LRFN2: variants seen among roughly 807,000 people sequenced by gnomAD.
LRFN2 encodes leucine rich repeat and fibronectin type III domain containing 2.
A neutral mutation model predicts 37.3 loss-of-function variants in LRFN2; 18 were observed. That is an observed-to-expected ratio of 0.48 (90% confidence interval 0.33 to 0.72). The LOEUF is 0.72. Among genes scored for constraint, LRFN2 ranks in the 30% least tolerant of loss-of-function variants. LRFN2 has a pLI of 0.02. For synonymous variants in LRFN2, 556 were observed against 466.6 expected (o/e 1.19, Z -2.47); for missense variants, 1,006 against 1,060.7 (o/e 0.95, Z 0.72).
intron 1 of LRFN2, among the ~76,000 whole-genome samples, chr6:40,513,235 T>A (rs569538200): frequency 2.6e-5 from 3 of 115,616 alleles, no homozygotes; most frequent in South Asian, 4.8e-4. Context: ...CATTTAACAA[T>A]TTTTTTTTTT....
intron 1 of LRFN2, among the ~76,000 whole-genome samples, chr6:40,437,263 G>C (rs1397246586): frequency 1.3e-5 from 2 of 152,114 alleles, no homozygotes; most frequent in Admixed American, 1.3e-4. Flanking sequence ...TGCATTCTGG[G>C]AGGCTGATCC....
At chr6:40,433,364 A>G (rs1370439065) in intron 1 of LRFN2, among the ~76,000 whole-genome samples, 1 of 152,180 alleles carries the variant, frequency 6.6e-6, no homozygotes, top group Non-Finnish European at 1.5e-5. Context: ...TATGATGTTT[A>G]TTTATTGTTT....
chr6:40,581,813 C>T (rs1347087837), intron 1 of LRFN2, among the ~76,000 whole-genome samples: 1 of 152,144 alleles, frequency 6.6e-6, no homozygotes, highest in African/African-American at 2.4e-5. Flanking sequence ...TTCTCCAAGT[C>T]CTGCAGGCTG....
chr6:40,464,797 C>T lies in LRFN2; in HGVS notation c.-18-31666G>A, dbSNP rs983252628. Reference sequence around the variant, plus strand: ...TTCAACCCCTACTCCAAACCAATCTCGGATGGGAGCTGGTGAATAAGTACC... The same window carrying T: ...TTCAACCCCTACTCCAAACCAATCTTGGATGGGAGCTGGTGAATAAGTACC... On this transcript the variant is annotated intron_variant, in intron 1 of 2. Transcript: ENST00000338305. Among the ~76,000 whole-genome samples the T allele has an allele frequency of 3.9e-5, 6 of 152,074 alleles. No homozygotes were observed. The East Asian group carries it at 5.8e-4, about 15-fold the overall frequency.
rs1767520624 is a variant in LRFN2 at position 40,587,252 on chromosome 6, T to C, written c.-330A>G. The stretch of plus-strand genomic sequence containing the variant: ...CCTCCCTAGGAGGATGCCGGTAGGA[T>C]TTTCCGGATCGAAGAACCCCAGGCA... On this transcript the variant is annotated 5_prime_UTR_variant, in exon 1 of 3. Coordinates refer to ENST00000338305, the MANE Select transcript of LRFN2 (RefSeq NM_020737.3). This position sits in a 1 kb window ranked among gnomAD's most constrained non-coding sequence, Gnocchi z 4.2. 6.6e-6 allele frequency: 1 copy of C among 152,136 alleles called. No homozygotes were observed. Among genetic ancestry groups the C allele is most frequent in the South Asian group, 2.1e-4 (1 of 4,822 alleles). The allele number at this position is 152,136 out of a possible 1,614,324, so 9.4% of individuals were successfully genotyped here. A position where few individuals can be genotyped will look rare whatever the true frequency, so the allele number is the denominator to read the frequency against.
chr6:40,507,386 C>G (rs909926166), intron 1 of LRFN2, among the ~76,000 whole-genome samples: 5 of 152,180 alleles, frequency 3.3e-5, no homozygotes, highest in African/African-American at 9.7e-5. Context: ...TCAGACATGA[C>G]ACTAAACCCT....
At chr6:40,560,584 C>T (rs779814665) in intron 1 of LRFN2, among the ~76,000 whole-genome samples, 7 of 152,194 alleles carry the variant, frequency 4.6e-5, no homozygotes, top group Non-Finnish European at 1.0e-4. Flanking sequence ...TACTAACTCA[C>T]ATCAAATCAG....
chr6:40,404,148 A>G (rs1762797814), intron 2 of LRFN2, among the ~76,000 whole-genome samples: 2 of 151,622 alleles, frequency 1.3e-5, no homozygotes, highest in Non-Finnish European at 2.9e-5. Context: ...TTGTTACTCC[A>G]CTCCATTTTT....
intron 1 of LRFN2, among the ~76,000 whole-genome samples, chr6:40,444,760 G>A (rs968934411): frequency 2.0e-5 from 3 of 152,134 alleles, no homozygotes; most frequent in African/African-American, 7.2e-5. Context: ...TGGGCAAGGA[G>A]CAGTGAAGAC....
intron 1 of LRFN2, among the ~76,000 whole-genome samples, chr6:40,477,155 C>T (rs2113860969): frequency 6.6e-6 from 1 of 152,284 alleles, no homozygotes; most frequent in Non-Finnish European, 1.5e-5. Flanking sequence ...GAATGGGACC[C>T]AGAGTATTTT....
At chr6:40,440,983 A>C (rs1245815898) in intron 1 of LRFN2, among the ~76,000 whole-genome samples, 1 of 152,210 alleles carries the variant, frequency 6.6e-6, no homozygotes, top group African/African-American at 2.4e-5. Flanking sequence ...TCATTATATA[A>C]GGGACCAACT....
At chr6:40,399,426 C>CTTTTTTTTTTTCTTTTT (rs1301914597) in intron 2 of LRFN2, among the ~76,000 whole-genome samples, 1 of 134,370 alleles carries the variant, frequency 7.4e-6, no homozygotes, top group Non-Finnish European at 1.6e-5. Context: ...TTTTTCTTTT[C>CTTTTTTTTTTTCTTTTT]TTTTTTTTTT....
chr6:40,404,454 A>T (rs1230095472), intron 2 of LRFN2, among the ~76,000 whole-genome samples: 1 of 152,240 alleles, frequency 6.6e-6, no homozygotes, highest in Non-Finnish European at 1.5e-5. Flanking sequence ...TGGTCATTCA[A>T]ATTTAACTTC....
In LRFN2 at chr6:40,551,396, G is replaced by C. The variant is rs148482152; in HGVS notation, c.-19+35545C>G. Among the ~76,000 whole-genome samples, 723 of 152,298 alleles carry C rather than the reference G, an allele frequency of 4.7e-3. 2 individuals carry two copies. The highest frequency in any genetic ancestry group is 0.016 in the African/African-American group (647 of 41,568). On this transcript the variant is annotated intron_variant, in intron 1 of 2. Coordinates refer to ENST00000338305, the MANE Select transcript of LRFN2 (RefSeq NM_020737.3). ...GCCAGTACACAGAAGACAGAATATA[G>C]AGCCAATGAGAAATGGAGCCCAAGG...
chr6:40,411,907 G>C (rs566122197), intron 2 of LRFN2, among the ~76,000 whole-genome samples: 245 of 152,184 alleles, frequency 1.6e-3, no homozygotes, highest in Non-Finnish European at 2.4e-3. Context: ...ATAAGGACCA[G>C]GATTGCCAGC....
intron 1 of LRFN2, among the ~76,000 whole-genome samples, chr6:40,565,396 T>C (rs1379556498): frequency 6.6e-6 from 1 of 152,138 alleles, no homozygotes; most frequent in Non-Finnish European, 1.5e-5. Context: ...TTAAAGTTCA[T>C]ATGGAACCAA....
chr6:40,487,405 C>T (rs1254217348), intron 1 of LRFN2, among the ~76,000 whole-genome samples: 1 of 152,182 alleles, frequency 6.6e-6, no homozygotes, highest in Non-Finnish European at 1.5e-5. Context: ...CACAGGTGCT[C>T]CAGATCTGGC....
chr6:40,564,191 A>G (rs1424776711), intron 1 of LRFN2, among the ~76,000 whole-genome samples: 1 of 152,164 alleles, frequency 6.6e-6, no homozygotes, highest in East Asian at 1.9e-4. Context: ...GCCATCTGTG[A>G]GCCAACTCCA....
At chr6:40,553,259 C>T (rs1287501800) in intron 1 of LRFN2, among the ~76,000 whole-genome samples, 1 of 152,162 alleles carries the variant, frequency 6.6e-6, no homozygotes, top group East Asian at 1.9e-4. Context: ...AAATATCAGC[C>T]AATGCAGATC....
Sources: gnomAD v4.1 joint callset for allele counts (sites outside exome capture counted in the v4.1 genomes callset) on GRCh38, gnomAD v4.1.1 for gene constraint, Gnocchi (gnomAD v3.1) non-coding constraint, MANE v1.5 for transcripts, NCBI Gene and HGNC (gene_info 2026-07-23, HGNC 2026-07-21) for gene names.